Variants in ADGB observed in about 807,000 individuals in gnomAD.
ADGB encodes the protein androglobin, also known as calpain-7-like protein.
A neutral mutation model predicts 210.5 loss-of-function variants in ADGB; 172 were observed. The ratio of observed to expected loss-of-function variants is 0.82; its 90% CI spans 0.72 to 0.93. The LOEUF (loss-of-function observed/expected upper bound fraction) is 0.93, where lower values mean the gene tolerates loss of function less well. Among genes scored for constraint, ADGB ranks in the 40% least tolerant of loss-of-function variants. ADGB has a pLI of 0.00. For missense variants in ADGB, 2,025 were observed against 1,964.8 expected (o/e 1.03, Z -0.58); for synonymous variants, 658 against 662.7 (o/e 0.99, Z 0.11).
At chr6:146,653,565 A>G (rs1387589465) in intron 3 of ADGB, among the ~76,000 whole-genome samples, 2 of 152,164 alleles carry the variant, frequency 1.3e-5, no homozygotes, top group African/African-American at 4.8e-5. Flanking sequence ...ATAGAAGGGA[A>G]CAACACACAC....
rs1018216194 is a variant in ADGB, at chr6:146,788,728, C to T, written c.4537+118C>T. The T allele has an allele frequency of 1.2e-4, 116 of 936,056 alleles. No homozygotes were observed. In the East Asian group the frequency reaches 1.7e-3, roughly 14 times the overall value. 58.0% of individuals were successfully genotyped at this position (936,056 alleles called of 1,614,324 possible). A position where few individuals can be genotyped will look rare whatever the true frequency, so the allele number is the denominator to read the frequency against. ...TATAGAAGTAGAAAAGATGTCTTTC[C>T]GATATATAGATTTTCATTTTACTTA... On this transcript the variant is annotated intron_variant, in intron 33 of 35. Transcript: ENST00000397944.
At chr6:146,681,526 T>C (rs1776157458) in intron 9 of ADGB, among the ~76,000 whole-genome samples, 1 of 152,132 alleles carries the variant, frequency 6.6e-6, no homozygotes, top group African/African-American at 2.4e-5. Flanking sequence ...CACCTGGTTG[T>C]GTCAAAGATT....
At chr6:146,763,852 C>T in intron 27 of ADGB, 49 bp from the exon 28 acceptor site, 1 of 1,447,704 alleles carries the variant, frequency 6.9e-7, no homozygotes, top group South Asian at 1.3e-5. Flanking sequence ...TCAGTAATAA[C>T]TATGTATATC....
At position 146,717,085 on chromosome 6, in the gene ADGB, G is replaced by A; in HGVS notation, c.1928+16G>A. 2 of 1,537,742 alleles carry A rather than the reference G, an allele frequency of 1.3e-6. No homozygotes were observed. The highest frequency in any genetic ancestry group is 1.8e-6 in the Non-Finnish European group (2 of 1,136,126). On this transcript the variant is annotated intron_variant, in intron 15 of 35. Transcript: ENST00000397944. ...TATGCTTTCAGTAAGTATACCAATG[G>A]GATCAATCTGACTATGTCGTAGTGG...
chr6:146,633,160 C>T lies in ADGB; in HGVS notation c.75-2215C>T, dbSNP rs1781088353. 2.6e-5 allele frequency among the ~76,000 whole-genome samples: 4 copies of T among 152,014 alleles called. No homozygotes were observed. In the South Asian group the frequency reaches 8.3e-4, roughly 31 times the overall value. On this transcript the variant is annotated intron_variant, in intron 1 of 35. Transcript: ENST00000397944. ...CCCCTGCCTCAATTTTTCTCCGTACCACGGTCTTCTGTCGATAAGGAAATA... is the reference window on the plus strand; with the variant it reads ...CCCCTGCCTCAATTTTTCTCCGTACTACGGTCTTCTGTCGATAAGGAAATA...
chr6:146,672,399 A>AG lies in ADGB; in HGVS notation c.1021dup (p.Glu341GlyfsTer5), dbSNP rs1407580823. 28 of 1,551,366 alleles carry AG rather than the reference A, an allele frequency of 1.8e-5. No homozygotes were observed. Among genetic ancestry groups the AG allele is most frequent in the Non-Finnish European group, 2.4e-5 (28 of 1,146,848 alleles). ...GATGGAAAGGAAGTAAAAGACGTGA[A>AG]GGAATTCAAACCTGAAAGTTCTTTG... On this transcript the variant is annotated frameshift_variant, in exon 8 of 36. Coordinates refer to ENST00000397944, the MANE Select transcript of ADGB (RefSeq NM_024694.4). LOFTEE classifies it high-confidence loss of function.
At chr6:146,772,590 A>G (rs1011193711) in intron 29 of ADGB, among the ~76,000 whole-genome samples, 1 of 147,268 alleles carries the variant, frequency 6.8e-6, no homozygotes, top group African/African-American at 2.5e-5. Flanking sequence ...TTTTTCCTAT[A>G]TTAATATGTA....
At chr6:146,678,955 G>T (rs1469972761) in intron 9 of ADGB, among the ~76,000 whole-genome samples, 1 of 152,180 alleles carries the variant, frequency 6.6e-6, no homozygotes, top group South Asian at 2.1e-4. Flanking sequence ...GCATTGAAGA[G>T]ACCCATTCTC....
chr6:146,745,811 G>T, intron 25 of ADGB, 111 bp from the exon 26 acceptor site: 1 of 731,676 alleles, frequency 1.4e-6, no homozygotes, highest in Non-Finnish European at 2.0e-6. Flanking sequence ...AAGAGATCTT[G>T]GGACCTGTAG....
rs1054105863 is a variant in ADGB, at chr6:146,654,204, G to A, written c.400G>A (p.Glu134Lys). ...FSANEHLLCS[E>K]LMRWIISEIY... ...AGCAAATGAACATTTACTCTGCAGC[G>A]AGGTATGTACAGAAATATGAACTAA... Residue 134 changes from glutamate to lysine, a missense_variant and splice_region_variant, in exon 4 of 36, where the codon GAG (glutamate) becomes AAG (lysine). Coordinates refer to ENST00000397944, the MANE Select transcript of ADGB (RefSeq NM_024694.4). 1.2e-5 allele frequency: 18 copies of A among 1,541,736 alleles called. No individual in the cohort carries two copies. The highest frequency in any genetic ancestry group is 1.7e-4 in the Middle Eastern group (1 of 5,964).
chr6:146,662,618 T>C (rs1775877510), intron 5 of ADGB, among the ~76,000 whole-genome samples: 1 of 152,090 alleles, frequency 6.6e-6, no homozygotes, highest in South Asian at 2.1e-4. Context: ...TTTGGTTTTG[T>C]GGCCTGTCGA....
At chr6:146,807,992 GTTTTTT>G (rs369961809) in intron 35 of ADGB, among the ~76,000 whole-genome samples, 1 of 103,162 alleles carries the variant, frequency 9.7e-6, no homozygotes, top group African/African-American at 3.8e-5. Context: ...CTATGCTTCA[GTTTTTT>G]TTTTTTTTTT....
intron 19 of ADGB, among the ~76,000 whole-genome samples, 189 bp downstream of exon 19, chr6:146,726,386 C>A (rs746493677): frequency 3.1e-4 from 47 of 151,982 alleles, no homozygotes; most frequent in Non-Finnish European, 5.0e-4. Context: ...CCACACCCTG[C>A]AGATTTTTTT....
Position 146,785,481 on chromosome 6 carries a change from C to A in ADGB, c.4213-129C>A. ...ATAATGAAGAAGAGCTGGTCTGCTT[C>A]ATTTAGACTGCCCTATTTAATTCAC... On this transcript the variant is annotated intron_variant, in intron 31 of 35. Coordinates refer to ENST00000397944, the MANE Select transcript of ADGB (RefSeq NM_024694.4). The A allele has an allele frequency of 1.1e-5, 6 of 566,874 alleles. No individual in the cohort carries two copies. In the South Asian group the frequency reaches 1.9e-4, roughly 18 times the overall value. The allele number at this position is 566,874 out of a possible 1,614,324, so 35.1% of individuals were successfully genotyped here. A position where few individuals can be genotyped will look rare whatever the true frequency, so the allele number is the denominator to read the frequency against.
Position 146,624,542 on chromosome 6 carries a change from C to G in ADGB, c.75-10833C>G, listed in dbSNP as rs181467904. On this transcript the variant is annotated intron_variant, in intron 1 of 35. Transcript: ENST00000397944. ...CTCTATTATTTATATACTCAAATAA[C>G]TGGATTTTTGGTTACATTTATTTTT... Among the ~76,000 whole-genome samples the G allele has an allele frequency of 2.6e-5, 4 of 151,860 alleles. No homozygotes were observed. The East Asian group carries it at 7.7e-4, about 29-fold the overall frequency.
intron 3 of ADGB, among the ~76,000 whole-genome samples, chr6:146,651,564 G>T (rs1240128205): frequency 6.6e-6 from 1 of 152,172 alleles, no homozygotes; most frequent in African/African-American, 2.4e-5. Context: ...GAGGATGCAG[G>T]TCTGCAAGTC....
intron 18 of ADGB, chr6:146,725,665 A>C (rs764807688): frequency 2.0e-5 from 3 of 153,338 alleles, no homozygotes; most frequent in African/African-American, 7.2e-5. Context: ...CGATACGACA[A>C]CCTGGTAGAG....
intron 1 of ADGB, among the ~76,000 whole-genome samples, chr6:146,605,186 A>G (rs1475313310): frequency 2.0e-5 from 3 of 152,218 alleles, no homozygotes; most frequent in Non-Finnish European, 2.9e-5. Context: ...CATGGAATTT[A>G]TGCTGGATTA....
intron 28 of ADGB, 26 bp downstream of exon 28, chr6:146,764,126 G>GTTCAACA (rs1583628037): frequency 4.0e-6 from 6 of 1,501,580 alleles, no homozygotes; most frequent in East Asian, 4.9e-5. Flanking sequence ...TTGTTCAATT[G>GTTCAACA]GACTGTTCCT....
Sources: gnomAD v4.1 joint callset for allele counts (sites outside exome capture counted in the v4.1 genomes callset) on GRCh38, gnomAD v4.1.1 for gene constraint, MANE v1.5 for transcripts, NCBI Gene and HGNC (gene_info 2026-07-23, HGNC 2026-07-21) for gene names.